The following ADK variants were observed in gnomAD, a reference collection of about 807,000 sequenced individuals.
ADK encodes adenosine kinase.
A neutral mutation model predicts 44.7 loss-of-function variants in ADK; 24 were observed. The observed-to-expected ratio is 0.54, with a 90% CI of 0.39 to 0.76. The LOEUF (loss-of-function observed/expected upper bound fraction) is 0.76, where lower values mean the gene tolerates loss of function less well. ADK is among the 30% of genes least tolerant of loss of function. The pLI is 0.00. For missense variants in ADK, 321 were observed against 425.1 expected, an observed-to-expected ratio of 0.76 and a Z score of 2.15; for synonymous variants, 128 against 142.6, an observed-to-expected ratio of 0.90 and a Z score of 0.73.
At chr10:74,404,991 C>T (rs1297485059) in intron 6 of ADK, among the ~76,000 whole-genome samples, 5 of 152,080 alleles carry the variant, frequency 3.3e-5, no homozygotes, top group African/African-American at 1.2e-4. Context: ...TATACATCTT[C>T]AAATTGGTTT....
intron 3 of ADK, among the ~76,000 whole-genome samples, chr10:74,286,010 G>T (rs984929354): frequency 1.3e-5 from 2 of 151,964 alleles, no homozygotes; most frequent in African/African-American, 2.4e-5. Flanking sequence ...ATAAATATTG[G>T]TATAAGCTGC....
At chr10:74,529,147 G>A (rs1488267198) in intron 7 of ADK, 1 of 152,138 alleles carries the variant, frequency 6.6e-6, no homozygotes, top group African/African-American at 2.4e-5. Context: ...AAAATTTCAT[G>A]TATATATACA....
intron 6 of ADK, among the ~76,000 whole-genome samples, chr10:74,462,586 G>C (rs1846210820): frequency 6.6e-6 from 1 of 152,126 alleles, no homozygotes; most frequent in Admixed American, 6.6e-5. Flanking sequence ...ATCAGGTAGA[G>C]TCTTACAGTT....
chr10:74,193,063 A>G (rs1843001916), intron 1 of ADK, among the ~76,000 whole-genome samples: 1 of 152,052 alleles, frequency 6.6e-6, no homozygotes, highest in South Asian at 2.1e-4. Context: ...GTGTGTACAT[A>G]TTTTGTATTG....
chr10:74,502,499 C>T (rs986818532), intron 6 of ADK, among the ~76,000 whole-genome samples: 1 of 152,084 alleles, frequency 6.6e-6, no homozygotes, highest in African/African-American at 2.4e-5. Context: ...TTATGAACTG[C>T]AACCTTCTAT....
chr10:74,540,601 A>T lies in ADK; in HGVS notation c.726+15175A>T, dbSNP rs201713760. Among the ~76,000 whole-genome samples, 8 of 152,146 alleles carry T rather than the reference A, an allele frequency of 5.3e-5. No homozygotes were observed. In the East Asian group the frequency reaches 1.5e-3, roughly 29 times the overall value. ...CAGCTTTCCACATAGCTGGGATTAC[A>T]GGAATGCGCCATCACACTCAGCTAA... On this transcript the variant is annotated intron_variant, in intron 7 of 10. Transcript: ENST00000539909.
At chr10:74,280,468 G>A (rs1846894273) in intron 3 of ADK, among the ~76,000 whole-genome samples, 1 of 137,224 alleles carries the variant, frequency 7.3e-6, no homozygotes, top group Non-Finnish European at 1.6e-5. Flanking sequence ...GTTGGGGCTT[G>A]CCTTGTAGCC....
chr10:74,185,508 T>G (rs943493401), intron 1 of ADK, among the ~76,000 whole-genome samples: 2 of 146,408 alleles, frequency 1.4e-5, no homozygotes, highest in East Asian at 1.9e-4. Flanking sequence ...TAAAAAAAAA[T>G]GCCAACAATA....
chr10:74,448,687 A>G (rs1368525125), intron 6 of ADK, among the ~76,000 whole-genome samples: 3 of 152,102 alleles, frequency 2.0e-5, no homozygotes, highest in Non-Finnish European at 2.9e-5. Flanking sequence ...GCTTTTTTCT[A>G]CATCTGGGCT....
intron 6 of ADK, among the ~76,000 whole-genome samples, chr10:74,474,814 A>G (rs1846761025): frequency 6.6e-6 from 1 of 152,130 alleles, no homozygotes; most frequent in Admixed American, 6.6e-5. Context: ...CTGAGCCACT[A>G]CACCTGGTTT....
chr10:74,278,477 A>G (rs1160424766), intron 3 of ADK, among the ~76,000 whole-genome samples: 1 of 150,570 alleles, frequency 6.6e-6, no homozygotes, highest in Non-Finnish European at 1.5e-5. Context: ...ATTTTATTAG[A>G]TGCACATACT....
At chr10:74,598,549 A>G (rs1852009935) in intron 8 of ADK, among the ~76,000 whole-genome samples, 2 of 145,442 alleles carry the variant, frequency 1.4e-5, no homozygotes, top group South Asian at 2.1e-4. Context: ...TCCTGGGTTC[A>G]AGCGATTCTC....
intron 3 of ADK, among the ~76,000 whole-genome samples, chr10:74,274,732 G>GTGTGTGTATATATATATATA (rs1554836801): frequency 1.2e-5 from 1 of 84,170 alleles, no homozygotes; most frequent in African/African-American, 4.4e-5. Context: ...TTTAATGTGT[G>GTGTGTGTATATATATATATA]TATATATATA....
chr10:74,234,553 A>G (rs902672174), intron 3 of ADK, among the ~76,000 whole-genome samples: 8 of 152,156 alleles, frequency 5.3e-5, no homozygotes, highest in African/African-American at 1.9e-4. Flanking sequence ...TTTCATGGAA[A>G]TTATATTTTA....
intron 4 of ADK, among the ~76,000 whole-genome samples, chr10:74,316,218 C>A (rs538823928): frequency 2.0e-5 from 3 of 148,316 alleles, no homozygotes; most frequent in East Asian, 4.0e-4. Flanking sequence ...CCAGCCTGGG[C>A]AACAGAGTGA....
chr10:74,183,605 G>T (rs1031887663), intron 1 of ADK, among the ~76,000 whole-genome samples: 3 of 151,788 alleles, frequency 2.0e-5, no homozygotes, highest in South Asian at 2.1e-4. Context: ...CCACTTCCCA[G>T]GTTCAAGCAA....
intron 3 of ADK, among the ~76,000 whole-genome samples, chr10:74,228,144 A>G (rs1844616337): frequency 6.6e-6 from 1 of 152,244 alleles, no homozygotes; most frequent in Non-Finnish European, 1.5e-5. Context: ...TTTCATATAC[A>G]CTTAGTCACT....
chr10:74,364,687 GGTGTGTGT>G (rs58295310), intron 4 of ADK, among the ~76,000 whole-genome samples: 2,747 of 136,402 alleles, frequency 0.02, 49 homozygotes, highest in African/African-American at 0.035. Context: ...CAAAGGCTAT[GGTGTGTGT>G]GTGTGTGTGT....
intron 3 of ADK, among the ~76,000 whole-genome samples, chr10:74,314,427 A>G (rs1840548521): frequency 1.3e-5 from 2 of 152,034 alleles, no homozygotes; most frequent in Non-Finnish European, 2.9e-5. Flanking sequence ...TTTAATGGCC[A>G]ATTATGGACA....
Sources: allele counts gnomAD v4.1 joint callset (sites outside exome capture counted in the v4.1 genomes callset), GRCh38; gene constraint gnomAD v4.1.1; transcripts MANE v1.5; gene names NCBI Gene and HGNC (gene_info 2026-07-23, HGNC 2026-07-21).